TENM2: variants seen among roughly 807,000 people sequenced by gnomAD.
The protein encoded by TENM2 is teneurin transmembrane protein 2, also known as teneurin-2.
In TENM2, 52 loss-of-function variants were observed where a neutral mutation model predicts 245.2. The ratio of observed to expected loss-of-function variants is 0.21; its 90% CI spans 0.17 to 0.27. The LOEUF is 0.27. TENM2 is among the 10% of genes least tolerant of loss of function. The pLI, the probability that TENM2 is intolerant of heterozygous loss-of-function variation, is 1.00. For synonymous variants in TENM2, 1,363 were observed against 1,438.9 expected, an observed-to-expected ratio of 0.95 and a Z score of 1.19; for missense variants, 3,046 against 3,666.8, an observed-to-expected ratio of 0.83 and a Z score of 4.37.
intron 3 of TENM2, among the ~76,000 whole-genome samples, chr5:167,925,646 C>T (rs1374555725): frequency 6.6e-6 from 1 of 152,152 alleles, no homozygotes; most frequent in Non-Finnish European, 1.5e-5. Flanking sequence ...CATAAAGAGG[C>T]ACGCACATAA....
chr5:167,875,392 G>A (rs1249860913), intron 2 of TENM2, among the ~76,000 whole-genome samples: 2 of 152,138 alleles, frequency 1.3e-5, no homozygotes, highest in Non-Finnish European at 2.9e-5. Flanking sequence ...AAGGGGCCAC[G>A]TGGAAAGTCG....
chr5:167,587,621 C>A (rs1775594550), intron 2 of TENM2, among the ~76,000 whole-genome samples: 1 of 152,144 alleles, frequency 6.6e-6, no homozygotes, highest in Non-Finnish European at 1.5e-5. Flanking sequence ...AATTAGATTC[C>A]TTTAAAGAGA....
intron 3 of TENM2, among the ~76,000 whole-genome samples, chr5:167,934,578 A>G (rs1417055313): frequency 6.6e-6 from 1 of 152,174 alleles, no homozygotes. Flanking sequence ...AACACGATGA[A>G]AGCTGCTTCA....
exon 8 of TENM2, chr5:168,090,591 T>C (rs1318778752): frequency 1.9e-6 from 3 of 1,612,928 alleles, no homozygotes; most frequent in Non-Finnish European, 1.7e-6. Context: ...TCATGGAACG[T>C]CTGGACGGGA....
At chr5:168,232,693 C>G (rs940674670) in intron 25 of TENM2, among the ~76,000 whole-genome samples, 2 of 152,200 alleles carry the variant, frequency 1.3e-5, no homozygotes, top group Non-Finnish European at 2.9e-5. Context: ...GTGAAGCCAT[C>G]ACAATAGAAC....
intron 2 of TENM2, among the ~76,000 whole-genome samples, chr5:167,605,023 G>A (rs1251001512): frequency 6.6e-6 from 1 of 152,180 alleles, no homozygotes; most frequent in Non-Finnish European, 1.5e-5. Flanking sequence ...CACGAGGCAA[G>A]GTGTGTTTCT....
At chr5:168,133,861 A>G (rs1194973976) in intron 12 of TENM2, among the ~76,000 whole-genome samples, 2 of 152,248 alleles carry the variant, frequency 1.3e-5, no homozygotes, top group Non-Finnish European at 2.9e-5. Context: ...TTTTAAGAAC[A>G]CAGGATTTTG....
chr5:168,197,880 A>T (rs2152525198), intron 15 of TENM2, among the ~76,000 whole-genome samples: 1 of 152,338 alleles, frequency 6.6e-6, no homozygotes, highest in South Asian at 2.1e-4. Flanking sequence ...ATAGCTTAAG[A>T]ACCATTGGCA....
intron 13 of TENM2, among the ~76,000 whole-genome samples, chr5:168,171,373 AT>A (rs1254931080): frequency 6.6e-6 from 1 of 152,212 alleles, no homozygotes; most frequent in East Asian, 1.9e-4. Flanking sequence ...AACCACCATG[AT>A]ATATGGCTTT....
At chr5:167,235,739 T>C in the TENM2 span, among the ~76,000 whole-genome samples, 32,473 of 152,048 alleles carry the variant, frequency 0.21, 4,016 homozygotes, top group African/African-American at 0.34. Flanking sequence ...TTTCCTCAAA[T>C]GTTGTAATAA....
chr5:167,267,585 T>A, the TENM2 span, among the ~76,000 whole-genome samples: 9 of 152,178 alleles, frequency 5.9e-5, no homozygotes, highest in Admixed American at 2.6e-4. Context: ...TTTATCTGCA[T>A]GTATGGAAGA....
chr5:167,351,824 C>T (rs144464016), intron 1 of TENM2, among the ~76,000 whole-genome samples: 6 of 150,684 alleles, frequency 4.0e-5, no homozygotes, highest in African/African-American at 1.5e-4. Flanking sequence ...CGCAGAGTCC[C>T]CAGGGATCTG....
In TENM2 at chr5:168,132,499, T is replaced by C. The variant is rs565983702; in HGVS notation, c.2422+5533T>C. ...AGCTCTGTGGGGAGACAGTGATTTGTGTCGTACTCTGCGCTGTTCCCTTAC... is the reference window on the plus strand; with the variant it reads ...AGCTCTGTGGGGAGACAGTGATTTGCGTCGTACTCTGCGCTGTTCCCTTAC... On this transcript the variant is annotated intron_variant, in intron 12 of 28. Transcript: ENST00000518659. 5.9e-5 allele frequency among the ~76,000 whole-genome samples: 9 copies of C among 152,328 alleles called. No individual in the cohort carries two copies. In the East Asian group the frequency reaches 1.5e-3, roughly 26 times the overall value.
intron 25 of TENM2, among the ~76,000 whole-genome samples, chr5:168,229,229 A>ATAATTACCTGTCCAAGGACACG (rs1169143722): frequency 0.32 from 48,358 of 151,876 alleles, 11,740 homozygotes; most frequent in African/African-American, 0.66. Context: ...CCAAGGACAC[A>ATAATTACCTGTCCAAGGACACG]ATAGCTAGAA....
intron 3 of TENM2, among the ~76,000 whole-genome samples, chr5:167,945,216 G>A (rs1779512812): frequency 6.6e-6 from 1 of 152,106 alleles, no homozygotes; most frequent in South Asian, 2.1e-4. Context: ...GTTTTTAATG[G>A]AGGCACTCAT....
rs138309770 is a variant in TENM2 at position 167,894,229 on chromosome 5, A to G, written c.712+18034A>G. The stretch of plus-strand genomic sequence containing the variant: ...TGGATAGATGATGAATGGAGAAAAA[A>G]TACTTCCCTCTTTTGGTCTTTGAAG... On this transcript the variant is annotated intron_variant, in intron 3 of 28. Transcript: ENST00000518659. Among the ~76,000 whole-genome samples the G allele has an allele frequency of 6.2e-3, 939 of 152,298 alleles. 18 individuals are homozygous for G. Among genetic ancestry groups the G allele is most frequent in the African/African-American group, 0.021 (888 of 41,552 alleles).
intron 5 of TENM2, among the ~76,000 whole-genome samples, chr5:167,999,413 A>T (rs1021804138): frequency 6.6e-6 from 1 of 152,216 alleles, no homozygotes; most frequent in African/African-American, 2.4e-5. Context: ...ATGTGCTCTT[A>T]ACCTGATAAT....
chr5:167,701,082 A>G (rs574502714), intron 2 of TENM2, among the ~76,000 whole-genome samples: 40 of 152,286 alleles, frequency 2.6e-4, no homozygotes, highest in Non-Finnish European at 5.3e-4. Context: ...AATATGCTAC[A>G]ACTGCCACAT....
intron 2 of TENM2, among the ~76,000 whole-genome samples, chr5:167,774,789 G>A (rs889414262): frequency 1.3e-5 from 2 of 152,112 alleles, no homozygotes; most frequent in African/African-American, 2.4e-5. Flanking sequence ...AGGACTGTCA[G>A]CAGCAAGCCT....
Sources: gnomAD v4.1 joint callset for allele counts (sites outside exome capture counted in the v4.1 genomes callset) on GRCh38, gnomAD v4.1.1 for gene constraint, MANE v1.5 for transcripts, NCBI Gene and HGNC (gene_info 2026-07-23, HGNC 2026-07-21) for gene names.